CNTLN: variants seen among roughly 807,000 people sequenced by gnomAD.
CNTLN encodes centlein, centrosomal protein.
CNTLN carries 212 observed loss-of-function variants against 180.0 expected under a neutral mutation model. That is an observed-to-expected ratio of 1.18 (90% CI 1.05 to 1.32). The LOEUF is 1.32. CNTLN is among the 40% of genes most tolerant of loss of function. The probability of loss-of-function intolerance (pLI) is 0.00; values close to 1 mark genes in which losing one functional copy is unlikely to be tolerated. For synonymous variants in CNTLN, 722 were observed against 563.1 expected (o/e 1.28, Z -3.99); for missense variants, 2,095 against 1,610.9 (o/e 1.30, Z -5.14).
intron 15 of CNTLN, among the ~76,000 whole-genome samples, chr9:17,406,144 T>G (rs1265616135): frequency 6.6e-6 from 1 of 151,890 alleles, no homozygotes; most frequent in Admixed American, 6.6e-5. Context: ...ACAGTTGCAC[T>G]GACCAAAAGC....
At chr9:17,522,850 C>T in the CNTLN span, among the ~76,000 whole-genome samples, 5 of 152,156 alleles carry the variant, frequency 3.3e-5, no homozygotes, top group African/African-American at 9.7e-5. Flanking sequence ...GCATGATGCC[C>T]GCTGACAAAA....
chr9:17,265,807 T>A (rs957384598), intron 5 of CNTLN, among the ~76,000 whole-genome samples: 2 of 152,218 alleles, frequency 1.3e-5, no homozygotes, highest in Non-Finnish European at 2.9e-5. Flanking sequence ...TTCTTCTACA[T>A]TTTCTGGTTT....
intron 2 of CNTLN, among the ~76,000 whole-genome samples, chr9:17,198,585 C>T (rs1401004750): frequency 5.6e-5 from 8 of 142,952 alleles, no homozygotes; most frequent in South Asian, 2.2e-4. Context: ...AGAAATGCTA[C>T]GGAATTTTGT....
chr9:17,394,072 C>G (rs548455548), intron 14 of CNTLN, among the ~76,000 whole-genome samples: 24 of 152,126 alleles, frequency 1.6e-4, no homozygotes, highest in Non-Finnish European at 3.1e-4. Flanking sequence ...TTACATTTTT[C>G]TAATTTAGAA....
chr9:17,434,500 T>C (rs1391564345), intron 18 of CNTLN, among the ~76,000 whole-genome samples: 1 of 152,086 alleles, frequency 6.6e-6, no homozygotes, highest in Admixed American at 6.5e-5. Context: ...TAAAAATATA[T>C]TGTTTAATTT....
chr9:17,359,144 A>G (rs999563841), intron 12 of CNTLN, among the ~76,000 whole-genome samples: 3 of 151,732 alleles, frequency 2.0e-5, no homozygotes, highest in Non-Finnish European at 2.9e-5. Flanking sequence ...TCAGCCCCCC[A>G]AGTAGTTGGT....
chr9:17,336,894 T>G (rs1821079854), intron 10 of CNTLN, among the ~76,000 whole-genome samples: 1 of 152,132 alleles, frequency 6.6e-6, no homozygotes, highest in Admixed American at 6.5e-5. Context: ...CGCCACACTG[T>G]CTTCCACAAT....
In CNTLN at chr9:17,298,867, A is replaced by G. The variant is rs371471503; in HGVS notation, c.1146+515A>G. 29 of 985,312 alleles carry G rather than the reference A, an allele frequency of 2.9e-5. No homozygotes were observed. The African/African-American group carries it at 4.0e-4, about 14-fold the overall frequency. 61.0% of individuals were successfully genotyped at this position (985,312 alleles called of 1,614,324 possible). A position where few individuals can be genotyped will look rare whatever the true frequency, so the allele number is the denominator to read the frequency against. On this transcript the variant is annotated intron_variant, in intron 7 of 25. Transcript: ENST00000380647. ...TAGTCTTTTACTTTACAGTTGTTTT[A>G]GGAGCCTTTCAAGAAGGTTTACCCA... is the stretch of plus-strand genomic sequence containing the variant.
intron 18 of CNTLN, among the ~76,000 whole-genome samples, chr9:17,434,123 A>G (rs1200916251): frequency 6.6e-6 from 1 of 152,042 alleles, no homozygotes; most frequent in East Asian, 1.9e-4. Flanking sequence ...TGATAAGAGG[A>G]TTTGTGTCTT....
chr9:17,212,725 T>A (rs1299870800), intron 2 of CNTLN, among the ~76,000 whole-genome samples: 3 of 152,220 alleles, frequency 2.0e-5, no homozygotes, highest in African/African-American at 7.2e-5. Flanking sequence ...ATTGCCTCAA[T>A]TTCAGAGGCT....
intron 25 of CNTLN, among the ~76,000 whole-genome samples, chr9:17,498,919 G>A (rs568034613): frequency 5.0e-4 from 76 of 152,288 alleles, no homozygotes; most frequent in African/African-American, 1.6e-3. Flanking sequence ...ATGCCTGTCT[G>A]TATGTCTCCC....
At chr9:17,199,679 T>C (rs980223408) in intron 2 of CNTLN, among the ~76,000 whole-genome samples, 6 of 152,200 alleles carry the variant, frequency 3.9e-5, no homozygotes, top group African/African-American at 1.4e-4. Context: ...GCCCAGTTTT[T>C]GATGGGGTTG....
intron 12 of CNTLN, among the ~76,000 whole-genome samples, chr9:17,343,551 A>C (rs1465837046): frequency 6.6e-6 from 1 of 152,200 alleles, no homozygotes. Context: ...CTTAAAGTGC[A>C]GTATACTCTA....
intron 6 of CNTLN, among the ~76,000 whole-genome samples, chr9:17,284,041 G>GAA (rs1828825184): frequency 6.6e-6 from 1 of 151,784 alleles, no homozygotes; most frequent in African/African-American, 2.4e-5. Flanking sequence ...GTTTTTTTGA[G>GAA]ACAGAGTTTC....
chr9:17,242,815 T>A (rs1318885153), intron 5 of CNTLN, among the ~76,000 whole-genome samples: 1 of 152,214 alleles, frequency 6.6e-6, no homozygotes, highest in Non-Finnish European at 1.5e-5. Context: ...TTCCTTTTTT[T>A]GATGTGTCTT....
At chr9:17,510,522 T>G in the CNTLN span, among the ~76,000 whole-genome samples, 1 of 152,140 alleles carries the variant, frequency 6.6e-6, no homozygotes, top group Non-Finnish European at 1.5e-5. Context: ...CAGTGGACTT[T>G]CAGTAAAGCA....
intron 1 of CNTLN, among the ~76,000 whole-genome samples, chr9:17,139,620 A>G (rs1391464052): frequency 6.6e-6 from 1 of 151,986 alleles, no homozygotes; most frequent in Non-Finnish European, 1.5e-5. Context: ...AGGTTGCGCC[A>G]CTGCACTCCA....
At chr9:17,230,837 G>T (rs772393332) in intron 3 of CNTLN, among the ~76,000 whole-genome samples, 16 of 151,928 alleles carry the variant, frequency 1.1e-4, no homozygotes, top group Non-Finnish European at 1.6e-4. Flanking sequence ...AGTACTGCTT[G>T]CCCCCTTCCC....
At chr9:17,418,005 C>G (rs1828401601) in intron 18 of CNTLN, among the ~76,000 whole-genome samples, 1 of 151,926 alleles carries the variant, frequency 6.6e-6, no homozygotes, top group Non-Finnish European at 1.5e-5. Context: ...GAATTTCTCC[C>G]TGAAGTTACC....
Sources: gnomAD v4.1 joint callset for allele counts (sites outside exome capture counted in the v4.1 genomes callset) on GRCh38, gnomAD v4.1.1 for gene constraint, MANE v1.5 for transcripts, NCBI Gene and HGNC (gene_info 2026-07-23, HGNC 2026-07-21) for gene names.